The following CDH10 variants were observed in gnomAD, a reference collection of about 807,000 sequenced individuals.
CDH10 encodes the protein cadherin 10, also known as cadherin-10.
CDH10 carries 30 observed loss-of-function variants against 73.1 expected under a neutral mutation model. The observed-to-expected ratio is 0.41, with a 90% CI of 0.31 to 0.56. The LOEUF (loss-of-function observed/expected upper bound fraction) is 0.56. Among genes scored for constraint, CDH10 ranks in the 20% least tolerant of loss-of-function variants. The pLI, the probability that CDH10 is intolerant of heterozygous loss-of-function variation, is 0.27. For synonymous variants in CDH10, 345 were observed against 348.2 expected (o/e 0.99, Z 0.10); for missense variants, 815 against 973.7 (o/e 0.84, Z 2.17).
At chr5:24,619,069 C>T (rs77609417) in intron 1 of CDH10, among the ~76,000 whole-genome samples, 4,759 of 152,258 alleles carry the variant, frequency 0.031, 136 homozygotes, top group East Asian at 0.098. Context: ...AATGTCTACC[C>T]TGTGCCTGTC....
At chr5:24,514,969 A>C (rs897366773) in intron 5 of CDH10, among the ~76,000 whole-genome samples, 7 of 152,178 alleles carry the variant, frequency 4.6e-5, no homozygotes, top group African/African-American at 9.6e-5. Context: ...ACCAAATACT[A>C]AGTTATTACA....
At chr5:24,642,444 T>C (rs1748084030) in intron 1 of CDH10, among the ~76,000 whole-genome samples, 1 of 152,130 alleles carries the variant, frequency 6.6e-6, no homozygotes, top group Non-Finnish European at 1.5e-5. Context: ...ACCTTTCCAG[T>C]TTCAAGTAGT....
chr5:24,615,366 A>C (rs1747094862), intron 1 of CDH10, among the ~76,000 whole-genome samples: 1 of 152,174 alleles, frequency 6.6e-6, no homozygotes, highest in African/African-American at 2.4e-5. Flanking sequence ...ATTCTTGATC[A>C]GTTTATCTTG....
At chr5:24,631,562 C>T (rs1747706737) in intron 1 of CDH10, among the ~76,000 whole-genome samples, 1 of 151,990 alleles carries the variant, frequency 6.6e-6, no homozygotes, top group African/African-American at 2.4e-5. Flanking sequence ...TTTTAATACC[C>T]AGTGAAAGAG....
At chr5:24,525,121 A>C (rs1370206958) in intron 5 of CDH10, among the ~76,000 whole-genome samples, 1 of 152,112 alleles carries the variant, frequency 6.6e-6, no homozygotes, top group African/African-American at 2.4e-5. Flanking sequence ...AAGAACAACA[A>C]AATGATGCCA....
At chr5:24,536,364 G>A (rs1743954203) in intron 3 of CDH10, among the ~76,000 whole-genome samples, 2 of 152,138 alleles carry the variant, frequency 1.3e-5, no homozygotes, top group South Asian at 4.1e-4. Context: ...ATAGTGAGAT[G>A]ACTGCCAGAA....
intron 6 of CDH10, among the ~76,000 whole-genome samples, chr5:24,510,876 A>G (rs1266938990): frequency 6.6e-6 from 1 of 152,348 alleles, no homozygotes; most frequent in Admixed American, 6.5e-5. Flanking sequence ...GAAAATGTGA[A>G]CAATTAAATT....
chr5:24,616,195 A>G (rs932158091), intron 1 of CDH10, among the ~76,000 whole-genome samples: 117 of 152,170 alleles, frequency 7.7e-4, no homozygotes, highest in African/African-American at 2.8e-3. Flanking sequence ...TTGGCAAACA[A>G]AGTAAACTTC....
chr5:24,619,353 C>T (rs930314345), intron 1 of CDH10, among the ~76,000 whole-genome samples: 2 of 152,086 alleles, frequency 1.3e-5, no homozygotes, highest in African/African-American at 2.4e-5. Flanking sequence ...ACCACCACGC[C>T]CAGCTAATTT....
At chr5:24,608,134 G>A (rs1237174593) in intron 1 of CDH10, among the ~76,000 whole-genome samples, 8 of 151,954 alleles carry the variant, frequency 5.3e-5, no homozygotes, top group Non-Finnish European at 1.5e-5. Flanking sequence ...AAAGATTGCC[G>A]ACAGAATTAT....
At chr5:24,582,139 A>G (rs574209124) in intron 2 of CDH10, among the ~76,000 whole-genome samples, 2 of 152,280 alleles carry the variant, frequency 1.3e-5, no homozygotes, top group South Asian at 4.1e-4. Context: ...GGATACATGC[A>G]CAGAAATGAT....
Position 24,498,458 on chromosome 5 carries a change from A to G in CDH10, c.1455T>C (p.Asn485=). ...VFVRILDVND[N]APQFAVFYDT... Reference sequence around the variant, plus strand: ...CATAGAACACAGCAAACTGTGGGGCATTGTCATTAACATCCAAAATTCTCA... The same window carrying G: ...CATAGAACACAGCAAACTGTGGGGCGTTGTCATTAACATCCAAAATTCTCA... The change falls in exon 9 of 12, where the codon AAT becomes AAC. Residue 485 remains asparagine, a synonymous_variant. Transcript: ENST00000264463. 1 of 1,598,996 alleles carries G rather than the reference A, an allele frequency of 6.3e-7. No homozygotes were observed. Among genetic ancestry groups the G allele is most frequent in the Non-Finnish European group, 8.6e-7 (1 of 1,166,422 alleles).
chr5:24,594,597 A>G (rs1746309042), intron 1 of CDH10, among the ~76,000 whole-genome samples: 1 of 151,846 alleles, frequency 6.6e-6, no homozygotes, highest in Admixed American at 6.6e-5. Context: ...TTCTCCAGCC[A>G]CAGGGTCCTT....
chr5:24,527,726 C>T (rs934131941), intron 5 of CDH10, among the ~76,000 whole-genome samples: 1 of 151,860 alleles, frequency 6.6e-6, no homozygotes. Context: ...ACCACCATCA[C>T]AATAGGTGGT....
chr5:24,575,397 C>T (rs1009757682), intron 2 of CDH10, among the ~76,000 whole-genome samples: 1 of 149,964 alleles, frequency 6.7e-6, no homozygotes, highest in Middle Eastern at 3.5e-3. Flanking sequence ...AAGTCTCCTG[C>T]ATCCTCAGTC....
chr5:24,518,349 C>T lies in CDH10; in HGVS notation c.815-6835G>A, dbSNP rs769023038. ...CTAAAATATAGAACAACACATCAAACGCATGTTGGAGACAGAGACAGATAT... is the reference window on the plus strand; with the variant it reads ...CTAAAATATAGAACAACACATCAAATGCATGTTGGAGACAGAGACAGATAT... On this transcript the variant is annotated intron_variant, in intron 5 of 11. Coordinates refer to ENST00000264463, the MANE Select transcript of CDH10 (RefSeq NM_006727.5). 2.0e-5 allele frequency among the ~76,000 whole-genome samples: 3 copies of T among 152,028 alleles called. 1 individual carries two copies. The highest frequency in any genetic ancestry group is 6.8e-3 in the Middle Eastern group (2 of 294).
chr5:24,567,192 A>G (rs1459704162), intron 2 of CDH10, among the ~76,000 whole-genome samples: 1 of 152,092 alleles, frequency 6.6e-6, no homozygotes, highest in Non-Finnish European at 1.5e-5. Context: ...AAAGACTCTA[A>G]CAACACCAAT....
At chr5:24,602,960 G>C (rs1384111621) in intron 1 of CDH10, among the ~76,000 whole-genome samples, 1 of 152,062 alleles carries the variant, frequency 6.6e-6, no homozygotes, top group Non-Finnish European at 1.5e-5. Context: ...TTTCTAAAAT[G>C]TTTATTCACC....
chr5:24,494,197 T>G (rs1233080125), intron 9 of CDH10, among the ~76,000 whole-genome samples: 1 of 151,866 alleles, frequency 6.6e-6, no homozygotes, highest in African/African-American at 2.4e-5. Flanking sequence ...AAATTTTAAT[T>G]GTAACTTAAA....
Sources: gnomAD v4.1 joint callset for allele counts (sites outside exome capture counted in the v4.1 genomes callset) on GRCh38, gnomAD v4.1.1 for gene constraint, MANE v1.5 for transcripts, NCBI Gene and HGNC (gene_info 2026-07-23, HGNC 2026-07-21) for gene names.